Variants in ZNF804B observed in about 807,000 individuals in gnomAD.
ZNF804B encodes the protein zinc finger protein 804B, also known as zinc finger 804B.
ZNF804B carries 80 observed loss-of-function variants against 101.4 expected under a neutral mutation model. The ratio of observed to expected loss-of-function variants is 0.79; its 90% CI spans 0.66 to 0.95. ZNF804B has a LOEUF of 0.95. Among genes scored for constraint, ZNF804B ranks in the 40% least tolerant of loss-of-function variants. The pLI is 0.00. For synonymous variants in ZNF804B, 622 were observed against 558.8 expected, an observed-to-expected ratio of 1.11 and a Z score of -1.59; for missense variants, 1,673 against 1,561.9, an observed-to-expected ratio of 1.07 and a Z score of -1.20.
intron 1 of ZNF804B, among the ~76,000 whole-genome samples, chr7:88,859,948 A>G (rs17575311): frequency 0.064 from 9,779 of 151,808 alleles, 437 homozygotes; most frequent in Non-Finnish European, 0.096. Context: ...AGCTGTGTAA[A>G]TTTCTCTATT....
chr7:88,997,211 A>C (rs1372016893), intron 1 of ZNF804B, among the ~76,000 whole-genome samples: 1 of 152,074 alleles, frequency 6.6e-6, no homozygotes, highest in African/African-American at 2.4e-5. Flanking sequence ...TCAGTCATTA[A>C]GTTAACATCT....
At chr7:88,958,316 T>C (rs1243794196) in intron 1 of ZNF804B, among the ~76,000 whole-genome samples, 2 of 151,500 alleles carry the variant, frequency 1.3e-5, no homozygotes, top group Non-Finnish European at 3.0e-5. Flanking sequence ...TTGAAAATTA[T>C]TCATAAAAAT....
intron 1 of ZNF804B, among the ~76,000 whole-genome samples, chr7:88,798,861 G>T (rs1180556209): frequency 1.3e-5 from 2 of 152,088 alleles, no homozygotes; most frequent in East Asian, 1.9e-4. Context: ...TTTACCTTCA[G>T]ATGGTGACTC....
chr7:88,783,053 CTG>C (rs1719732176), intron 1 of ZNF804B, among the ~76,000 whole-genome samples: 2 of 152,036 alleles, frequency 1.3e-5, no homozygotes, highest in South Asian at 4.2e-4. Flanking sequence ...AATATAGAAA[CTG>C]TGGAAATCAT....
chr7:88,799,497 CCTGT>C (rs766823726), intron 1 of ZNF804B, among the ~76,000 whole-genome samples: 1 of 151,976 alleles, frequency 6.6e-6, no homozygotes, highest in Non-Finnish European at 1.5e-5. Context: ...CATTCTTCCC[CCTGT>C]CTATGAGATG....
chr7:88,776,249 C>T (rs575021994), intron 1 of ZNF804B, among the ~76,000 whole-genome samples: 1 of 152,202 alleles, frequency 6.6e-6, no homozygotes, highest in Non-Finnish European at 1.5e-5. Flanking sequence ...AACAGGTTTT[C>T]ATGACTCCTT....
intron 1 of ZNF804B, among the ~76,000 whole-genome samples, chr7:88,974,916 C>T (rs1002951751): frequency 5.9e-5 from 9 of 151,410 alleles, no homozygotes; most frequent in African/African-American, 1.9e-4. Context: ...TACCCATTAA[C>T]CATTTCCACC....
chr7:88,913,701 C>G (rs1263008899), intron 1 of ZNF804B, among the ~76,000 whole-genome samples: 1 of 152,022 alleles, frequency 6.6e-6, no homozygotes, highest in East Asian at 1.9e-4. Flanking sequence ...TGGCCAGAAT[C>G]TGGTGTATTT....
At chr7:89,044,586 A>G (rs1030466007) in intron 1 of ZNF804B, among the ~76,000 whole-genome samples, 2 of 152,194 alleles carry the variant, frequency 1.3e-5, no homozygotes, top group African/African-American at 2.4e-5. Flanking sequence ...GCTGATAGCG[A>G]CATGGACAAT....
At chr7:89,175,840 A>C (rs2115564500) in intron 1 of ZNF804B, among the ~76,000 whole-genome samples, 1 of 151,984 alleles carries the variant, frequency 6.6e-6, no homozygotes, top group Admixed American at 6.6e-5. Context: ...TTTGTAAATT[A>C]GATTACTTTC....
chr7:88,769,833 TTTGTTAGCAA>T (rs1790036026), intron 1 of ZNF804B, among the ~76,000 whole-genome samples: 2 of 152,158 alleles, frequency 1.3e-5, no homozygotes. Flanking sequence ...TCAGCAAGGT[TTTGTTAGCAA>T]TTGTCCCTTC....
intron 1 of ZNF804B, among the ~76,000 whole-genome samples, chr7:89,200,381 T>C (rs188571901): frequency 1.9e-4 from 29 of 152,114 alleles, no homozygotes; most frequent in Non-Finnish European, 3.7e-4. Flanking sequence ...ATTTCCACCC[T>C]TAGGATTCCT....
chr7:88,906,166 T>G (rs543424001), intron 1 of ZNF804B, among the ~76,000 whole-genome samples: 1 of 152,232 alleles, frequency 6.6e-6, no homozygotes, highest in Admixed American at 6.5e-5. Flanking sequence ...TTTTTCTTTG[T>G]TTCTCTAGCT....
chr7:88,811,977 A>C (rs1048599650), intron 1 of ZNF804B, among the ~76,000 whole-genome samples: 1 of 152,170 alleles, frequency 6.6e-6, no homozygotes, highest in African/African-American at 2.4e-5. Flanking sequence ...CTTTAAAAAA[A>C]ATTGAGAACT....
chr7:88,960,802 C>G (rs1407607055), intron 1 of ZNF804B, among the ~76,000 whole-genome samples: 1 of 151,226 alleles, frequency 6.6e-6, no homozygotes, highest in Non-Finnish European at 1.5e-5. Flanking sequence ...CCTGAGTAGA[C>G]TTTTCATCTC....
intron 1 of ZNF804B, among the ~76,000 whole-genome samples, chr7:88,880,650 A>G (rs533768675): frequency 2.0e-5 from 3 of 152,236 alleles, no homozygotes; most frequent in African/African-American, 4.8e-5. Context: ...GAATTTACCA[A>G]TCTGATACAG....
intron 1 of ZNF804B, among the ~76,000 whole-genome samples, chr7:88,815,368 G>A (rs566516413): frequency 1.4e-5 from 2 of 143,458 alleles, no homozygotes; most frequent in South Asian, 2.4e-4. Flanking sequence ...ACCCAGTACA[G>A]TTTTTCAAGT....
At chr7:89,313,992 A>G (rs775026374) in intron 2 of ZNF804B, among the ~76,000 whole-genome samples, 1 of 152,156 alleles carries the variant, frequency 6.6e-6, no homozygotes, top group Non-Finnish European at 1.5e-5. Flanking sequence ...CTTTTACTTT[A>G]CATACCTCTA....
chr7:88,979,983 G>A (rs1793673260), intron 1 of ZNF804B, among the ~76,000 whole-genome samples: 1 of 148,918 alleles, frequency 6.7e-6, no homozygotes, highest in South Asian at 2.1e-4. Context: ...TCGTCTGCTT[G>A]ATCACTTGTG....
Sources: allele counts gnomAD v4.1 joint callset (sites outside exome capture counted in the v4.1 genomes callset), GRCh38; gene constraint gnomAD v4.1.1; transcripts MANE v1.5; gene names NCBI Gene and HGNC (gene_info 2026-07-23, HGNC 2026-07-21).